The following DCC variants were observed in gnomAD, a reference collection of about 807,000 sequenced individuals.
The protein encoded by DCC is DCC netrin 1 receptor.
A neutral mutation model predicts 172.5 loss-of-function variants in DCC; 58 were observed. The ratio of observed to expected loss-of-function variants is 0.34; its 90% confidence interval spans 0.27 to 0.42. The LOEUF (loss-of-function observed/expected upper bound fraction) is 0.42. Ranked by LOEUF, DCC falls within the 10% of genes least tolerant of loss-of-function variation. DCC has a pLI of 1.00. For missense variants in DCC, 1,740 were observed against 1,791.0 expected (o/e 0.97, Z 0.51); for synonymous variants, 709 against 644.5 (o/e 1.10, Z -1.52).
rs527366604 is a variant in DCC at position 53,365,149 on chromosome 18, C to A, written c.2360-20894C>A. ...GTCTAAGTGTTTTCATTGTTCAATT[C>A]CCACCTATGAGTGAGAACGTGAGAT... is the stretch of plus-strand genomic sequence containing the variant. On this transcript the variant is annotated intron_variant, in intron 15 of 28. Coordinates refer to ENST00000442544, the MANE Select transcript of DCC (RefSeq NM_005215.4). Among the ~76,000 whole-genome samples the A allele has an allele frequency of 9.4e-5, 14 of 149,412 alleles. No homozygotes were observed. The South Asian group carries it at 2.6e-3, about 28-fold the overall frequency.
At chr18:53,348,784 T>A (rs539546244) in intron 15 of DCC, among the ~76,000 whole-genome samples, 14 of 152,206 alleles carry the variant, frequency 9.2e-5, no homozygotes, top group Admixed American at 2.6e-4. Context: ...CACCTTTCAG[T>A]CATGGCAGGA....
chr18:53,422,216 T>A (rs1040177840), intron 21 of DCC, among the ~76,000 whole-genome samples: 1 of 152,172 alleles, frequency 6.6e-6, no homozygotes, highest in Non-Finnish European at 1.5e-5. Flanking sequence ...TGGAAGACAC[T>A]ACCAGCACCA....
Position 52,582,326 on chromosome 18 carries a change from G to T in DCC, c.92-169728G>T, listed in dbSNP as rs574773487. Among the ~76,000 whole-genome samples, 4 of 152,312 alleles carry T rather than the reference G, an allele frequency of 2.6e-5. No homozygotes were observed. In the South Asian group the frequency reaches 8.3e-4, roughly 32 times the overall value. On this transcript the variant is annotated intron_variant, in intron 1 of 28. Coordinates refer to ENST00000442544, the MANE Select transcript of DCC (RefSeq NM_005215.4). ...CCTCTGATTTCCCCTTTAATAGGAA[G>T]ATGGCTTTCAGTTTGGCACGCACAA... is the stretch of plus-strand genomic sequence containing the variant.
At chr18:52,621,903 T>C (rs2034487542) in intron 1 of DCC, among the ~76,000 whole-genome samples, 1 of 152,192 alleles carries the variant, frequency 6.6e-6, no homozygotes, top group South Asian at 2.1e-4. Flanking sequence ...TCCAGAATAG[T>C]ACACAACTCC....
At position 52,777,110 on chromosome 18, in the gene DCC, G is replaced by A. The variant is rs73453897; in HGVS notation, c.412+24736G>A. 4.0e-3 allele frequency among the ~76,000 whole-genome samples: 615 copies of A among 152,202 alleles called. 6 individuals are homozygous for A. Among genetic ancestry groups the A allele is most frequent in the African/African-American group, 0.014 (585 of 41,502 alleles). On this transcript the variant is annotated intron_variant, in intron 2 of 28. Coordinates refer to ENST00000442544, the MANE Select transcript of DCC (RefSeq NM_005215.4). ...ATAAAATGTTATTTATCTTAAAATT[G>A]AGTGTTTTGGTGCCCCGTTAACTTT...
intron 12 of DCC, among the ~76,000 whole-genome samples, chr18:53,276,879 C>A (rs1364736450): frequency 6.6e-6 from 1 of 151,954 alleles, no homozygotes; most frequent in African/African-American, 2.4e-5. Context: ...AGTGTAGGAA[C>A]CAGGACCATA....
At chr18:52,645,494 G>GA (rs2035001664) in intron 1 of DCC, among the ~76,000 whole-genome samples, 1 of 152,042 alleles carries the variant, frequency 6.6e-6, no homozygotes, top group Non-Finnish European at 1.5e-5. Context: ...TACTAGATCT[G>GA]AAAATTTTAA....
intron 7 of DCC, among the ~76,000 whole-genome samples, chr18:53,087,032 T>A (rs1216770889): frequency 3.9e-5 from 6 of 151,910 alleles, no homozygotes; most frequent in Admixed American, 2.6e-4. Context: ...TCCAAGTCTT[T>A]GCTGTTGTGA....
At chr18:53,453,911 T>C (rs954734707) in intron 23 of DCC, among the ~76,000 whole-genome samples, 1 of 152,226 alleles carries the variant, frequency 6.6e-6, no homozygotes, top group African/African-American at 2.4e-5. Flanking sequence ...TTCTAATTTA[T>C]AGAATCACAT....
At chr18:53,446,848 TC>T (rs1912642251) in intron 22 of DCC, among the ~76,000 whole-genome samples, 2 of 152,284 alleles carry the variant, frequency 1.3e-5, no homozygotes, top group Middle Eastern at 3.4e-3. Context: ...TCCATTTTTT[TC>T]TTTTTGTTGG....
chr18:52,739,011 T>C (rs2145109381), intron 1 of DCC, among the ~76,000 whole-genome samples: 1 of 152,228 alleles, frequency 6.6e-6, no homozygotes, highest in East Asian at 1.9e-4. Context: ...GCCTCCCTAA[T>C]TGTATGTGCT....
chr18:53,046,092 G>A (rs1434854786), intron 5 of DCC, among the ~76,000 whole-genome samples: 4 of 151,762 alleles, frequency 2.6e-5, no homozygotes, highest in African/African-American at 7.3e-5. Context: ...ACACTCTTTT[G>A]GCCAAAATAT....
chr18:52,361,749 G>A (rs1198476953), intron 1 of DCC, among the ~76,000 whole-genome samples: 1 of 152,228 alleles, frequency 6.6e-6, no homozygotes, highest in East Asian at 1.9e-4. Context: ...GTCAAAGTTT[G>A]AGACATATCA....
chr18:53,023,100 T>C (rs2041904089), intron 5 of DCC, among the ~76,000 whole-genome samples: 1 of 152,058 alleles, frequency 6.6e-6, no homozygotes, highest in African/African-American at 2.4e-5. Flanking sequence ...TTCTGTGCTT[T>C]GATGCACTTT....
chr18:52,491,846 T>C (rs1165671538), intron 1 of DCC, among the ~76,000 whole-genome samples: 1 of 152,050 alleles, frequency 6.6e-6, no homozygotes. Context: ...ATTGGGTTAG[T>C]GGAAACTGGG....
intron 9 of DCC, among the ~76,000 whole-genome samples, chr18:53,197,302 A>G (rs2055458203): frequency 6.6e-6 from 1 of 152,074 alleles, no homozygotes; most frequent in Non-Finnish European, 1.5e-5. Context: ...GCAAACTAAT[A>G]AAGGGATAGA....
intron 7 of DCC, among the ~76,000 whole-genome samples, chr18:53,114,919 T>C (rs1401198537): frequency 1.3e-5 from 2 of 151,670 alleles, no homozygotes; most frequent in African/African-American, 2.4e-5. Context: ...AATTATTATT[T>C]TGAACGTTGA....
At chr18:52,784,669 A>G (rs75762275) in intron 2 of DCC, among the ~76,000 whole-genome samples, 8,032 of 152,028 alleles carry the variant, frequency 0.053, 286 homozygotes, top group South Asian at 0.16. Flanking sequence ...TGATGTTGAT[A>G]TTGAAAATTT....
chr18:52,895,274 T>C (rs1017836248), intron 2 of DCC, among the ~76,000 whole-genome samples: 10 of 152,226 alleles, frequency 6.6e-5, no homozygotes, highest in Non-Finnish European at 1.3e-4. Flanking sequence ...CCATGTGTAA[T>C]GAGATTTTTA....
Sources: gnomAD v4.1 joint callset for allele counts (sites outside exome capture counted in the v4.1 genomes callset) on GRCh38, gnomAD v4.1.1 for gene constraint, MANE v1.5 for transcripts, NCBI Gene and HGNC (gene_info 2026-07-23, HGNC 2026-07-21) for gene names.